Variants in OXCT1 observed in about 807,000 individuals in gnomAD.
OXCT1 encodes 3-oxoacid CoA-transferase 1, also known as succinyl-CoA:3-ketoacid coenzyme A transferase 1, mitochondrial.
OXCT1 carries 27 observed loss-of-function variants against 69.6 expected under a neutral mutation model. The observed-to-expected ratio is 0.39, with a 90% CI of 0.29 to 0.54. The LOEUF (loss-of-function observed/expected upper bound fraction) is 0.54. OXCT1 is among the 20% of genes least tolerant of loss of function. The pLI, the probability that OXCT1 is intolerant of heterozygous loss-of-function variation, is 0.72. For synonymous variants in OXCT1, 202 were observed against 217.8 expected (o/e 0.93, Z 0.64); for missense variants, 437 against 650.2 (o/e 0.67, Z 3.57).
At chr5:41,819,377 T>C (rs1232927967) in intron 7 of OXCT1, among the ~76,000 whole-genome samples, 1 of 142,062 alleles carries the variant, frequency 7.0e-6, no homozygotes, top group Non-Finnish European at 1.5e-5. Flanking sequence ...TTGGGGGGGA[T>C]TGGGGGGGCA....
At chr5:41,808,599 G>T (rs1421507394) in intron 7 of OXCT1, among the ~76,000 whole-genome samples, 5 of 152,062 alleles carry the variant, frequency 3.3e-5, no homozygotes, top group African/African-American at 1.2e-4. Flanking sequence ...AAAATTCCAA[G>T]GAAAGGTCAG....
At chr5:41,767,063 C>G (rs1744640062) in intron 13 of OXCT1, among the ~76,000 whole-genome samples, 1 of 152,094 alleles carries the variant, frequency 6.6e-6, no homozygotes, top group African/African-American at 2.4e-5. Flanking sequence ...GTCCTCTAAG[C>G]ATGCTCCTAG....
At chr5:41,778,955 T>C in intron 13 of OXCT1, among the ~76,000 whole-genome samples, 1 of 152,236 alleles carries the variant, frequency 6.6e-6, no homozygotes, top group African/African-American at 2.4e-5. Flanking sequence ...TAAAATATAC[T>C]CAGAAGCAAT....
chr5:41,750,654 AC>A (rs1055820379), intron 14 of OXCT1, among the ~76,000 whole-genome samples: 10 of 152,064 alleles, frequency 6.6e-5, no homozygotes, highest in African/African-American at 2.2e-4. Context: ...TTAAATGCAC[AC>A]CTACTATCTA....
At chr5:41,794,985 T>G (rs1746109970) in intron 11 of OXCT1, among the ~76,000 whole-genome samples, 1 of 152,222 alleles carries the variant, frequency 6.6e-6, no homozygotes, top group Non-Finnish European at 1.5e-5. Context: ...ACTTTTAGTT[T>G]TCTTATTGTT....
intron 7 of OXCT1, among the ~76,000 whole-genome samples, chr5:41,825,721 A>G (rs1321379772): frequency 1.3e-5 from 2 of 152,020 alleles, no homozygotes; most frequent in Non-Finnish European, 2.9e-5. Context: ...CTCTCTCATC[A>G]CATGATCTCT....
At chr5:41,778,242 T>C (rs1043501345) in intron 13 of OXCT1, among the ~76,000 whole-genome samples, 1 of 152,236 alleles carries the variant, frequency 6.6e-6, no homozygotes, top group Non-Finnish European at 1.5e-5. Context: ...CTAAAAATTT[T>C]CTATAAATCA....
chr5:41,733,000 T>C (rs921972747), intron 16 of OXCT1, among the ~76,000 whole-genome samples: 8 of 152,184 alleles, frequency 5.3e-5, no homozygotes, highest in African/African-American at 1.4e-4. Flanking sequence ...TAAACAATAA[T>C]AATAAAGTTC....
Position 41,767,336 on chromosome 5 carries a change from AAT to A in OXCT1, c.1249-5138_1249-5137del, listed in dbSNP as rs1243626891. 6.6e-5 allele frequency among the ~76,000 whole-genome samples: 10 copies of A among 152,268 alleles called. No individual in the cohort carries two copies. In the South Asian group the frequency reaches 1.9e-3, roughly 28 times the overall value. ...GTAAACCAACTAATATGGAACGAGA[AAT>A]ATAATTATATTCTCTATTGTTAGGT... is the stretch of plus-strand genomic sequence containing the variant. On this transcript the variant is annotated intron_variant, in intron 13 of 16. Transcript: ENST00000196371.
intron 16 of OXCT1, among the ~76,000 whole-genome samples, chr5:41,733,045 A>T (rs1742712039): frequency 6.6e-6 from 1 of 152,198 alleles, no homozygotes; most frequent in Non-Finnish European, 1.5e-5. Flanking sequence ...GGTAAATGAG[A>T]ACGCATTATG....
chr5:41,850,154 G>A lies in OXCT1; in HGVS notation c.440C>T (p.Ala147Val). ...PQGTLAERIR[A>V]GGAGVPAFYT... The stretch of plus-strand genomic sequence containing the variant: ...AAATGCAGGAACTCCAGCCCCGCCT[G>A]CACGGATCCTCTCTGCAAGTGTGCC... The change falls in exon 5 of 17, where the codon GCA (alanine) becomes GTA (valine). Residue 147 changes from alanine (A) to valine (V), a missense_variant. Coordinates refer to ENST00000196371, the MANE Select transcript of OXCT1 (RefSeq NM_000436.4). The A allele has an allele frequency of 6.2e-7, 1 of 1,613,712 alleles. No individual in the cohort carries two copies. Among genetic ancestry groups the A allele is most frequent in the Non-Finnish European group, 8.5e-7 (1 of 1,179,848 alleles).
At chr5:41,809,540 T>C (rs893298493) in intron 7 of OXCT1, among the ~76,000 whole-genome samples, 4 of 152,032 alleles carry the variant, frequency 2.6e-5, no homozygotes, top group African/African-American at 9.7e-5. Context: ...ATGCCTAATA[T>C]TGCTCCAAAA....
chr5:41,752,284 T>C (rs868310213), intron 14 of OXCT1, among the ~76,000 whole-genome samples: 7 of 152,106 alleles, frequency 4.6e-5, no homozygotes, highest in Non-Finnish European at 7.4e-5. Context: ...CCTTACCTGA[T>C]CATTGTAGGA....
At position 41,731,330 on chromosome 5, in the gene OXCT1, C is replaced by T. The variant is rs1196169464; in HGVS notation, c.*399G>A. Reference sequence around the variant, plus strand: ...AAAAACAATCATGACAGCAACTCTCCTAACCACAAAAATCACATATGTTAT... The same window carrying T: ...AAAAACAATCATGACAGCAACTCTCTTAACCACAAAAATCACATATGTTAT... On this transcript the variant is annotated 3_prime_UTR_variant, in exon 17 of 17. Transcript: ENST00000196371. 2.0e-6 allele frequency: 2 copies of T among 1,010,470 alleles called. No homozygotes were observed. Among genetic ancestry groups the T allele is most frequent in the African/African-American group, 3.5e-5 (2 of 57,398 alleles). The allele number at this position is 1,010,470 out of a possible 1,614,324, so 62.6% of individuals were successfully genotyped here.
intron 7 of OXCT1, among the ~76,000 whole-genome samples, chr5:41,823,391 A>G (rs1747657873): frequency 6.6e-6 from 1 of 152,202 alleles, no homozygotes; most frequent in Admixed American, 6.5e-5. Flanking sequence ...TCCCAAGACC[A>G]GACCACTCTG....
At chr5:41,824,908 GT>G (rs1747729542) in intron 7 of OXCT1, among the ~76,000 whole-genome samples, 1 of 152,166 alleles carries the variant, frequency 6.6e-6, no homozygotes, top group Non-Finnish European at 1.5e-5. Flanking sequence ...TTTTGTCTGT[GT>G]CGGCAAAGCT....
intron 13 of OXCT1, among the ~76,000 whole-genome samples, chr5:41,792,005 A>G (rs1043047619): frequency 1.3e-5 from 2 of 151,938 alleles, no homozygotes; most frequent in East Asian, 1.9e-4. Context: ...AGGTTTCACC[A>G]TGTTAGCCAG....
At chr5:41,734,961 T>C (rs1247601441) in intron 16 of OXCT1, among the ~76,000 whole-genome samples, 1 of 152,088 alleles carries the variant, frequency 6.6e-6, no homozygotes, top group Non-Finnish European at 1.5e-5. Context: ...TTGGCAAAGA[T>C]ATGGAGAAAT....
At chr5:41,823,105 A>G (rs1747640831) in intron 7 of OXCT1, among the ~76,000 whole-genome samples, 1 of 152,136 alleles carries the variant, frequency 6.6e-6, no homozygotes, top group Non-Finnish European at 1.5e-5. Context: ...TACATTTACA[A>G]TTAATCCAAG....
Sources: allele counts gnomAD v4.1 joint callset (sites outside exome capture counted in the v4.1 genomes callset), GRCh38; gene constraint gnomAD v4.1.1; transcripts MANE v1.5; gene names NCBI Gene and HGNC (gene_info 2026-07-23, HGNC 2026-07-21).